The following MGMT variants were observed in gnomAD, a reference collection of about 807,000 sequenced individuals.
MGMT encodes methylated-DNA--protein-cysteine methyltransferase.
MGMT carries 14 observed loss-of-function variants against 15.9 expected under a neutral mutation model. That is an observed-to-expected ratio of 0.88 (90% CI 0.58 to 1.37). The LOEUF (loss-of-function observed/expected upper bound fraction) is 1.37. Among genes scored for constraint, MGMT ranks in the 40% most tolerant of loss-of-function variants. The pLI, the probability that MGMT is intolerant of heterozygous loss-of-function variation, is 0.00. For missense variants in MGMT, 282 were observed against 268.1 expected, an observed-to-expected ratio of 1.05 and a Z score of -0.36; for synonymous variants, 130 against 118.2, an observed-to-expected ratio of 1.10 and a Z score of -0.65.
At chr10:129,516,787 C>T (rs1845742991) in intron 1 of MGMT, among the ~76,000 whole-genome samples, 1 of 152,056 alleles carries the variant, frequency 6.6e-6, no homozygotes, top group Non-Finnish European at 1.5e-5. Flanking sequence ...ATTCTTGGCA[C>T]CTGCTCATCT....
intron 2 of MGMT, among the ~76,000 whole-genome samples, chr10:129,651,503 T>G (rs1427135988): frequency 7.2e-5 from 11 of 152,218 alleles, no homozygotes; most frequent in Non-Finnish European, 2.9e-5. Flanking sequence ...TTGCCCCTTT[T>G]TATTCCGTTT....
intron 2 of MGMT, among the ~76,000 whole-genome samples, chr10:129,679,072 C>CA (rs746058016): frequency 0.15 from 17,073 of 117,508 alleles, 1,152 homozygotes; most frequent in East Asian, 0.32. Flanking sequence ...GACTCCATCT[C>CA]AAAAAAAAAA....
At chr10:129,635,188 T>G (rs1324468857) in intron 2 of MGMT, among the ~76,000 whole-genome samples, 7 of 152,208 alleles carry the variant, frequency 4.6e-5, no homozygotes, top group Non-Finnish European at 1.5e-5. Context: ...ATAGCTCTTT[T>G]CCTGCCTGGG....
At chr10:129,731,017 C>A (rs976912249) in intron 3 of MGMT, among the ~76,000 whole-genome samples, 1 of 152,172 alleles carries the variant, frequency 6.6e-6, no homozygotes, top group Non-Finnish European at 1.5e-5. Flanking sequence ...TGGTGCCTCA[C>A]CTCCAGGAGC....
At chr10:129,758,930 G>A (rs1182085384) in intron 3 of MGMT, among the ~76,000 whole-genome samples, 1 of 152,216 alleles carries the variant, frequency 6.6e-6, no homozygotes, top group Non-Finnish European at 1.5e-5. Flanking sequence ...GCAACCCCAC[G>A]CGGAACACGG....
At chr10:129,593,233 C>T (rs1490712837) in intron 2 of MGMT, among the ~76,000 whole-genome samples, 2 of 152,218 alleles carry the variant, frequency 1.3e-5, no homozygotes, top group East Asian at 1.9e-4. Flanking sequence ...GCGCAGTGGG[C>T]GCTGTTGGGA....
intron 3 of MGMT, among the ~76,000 whole-genome samples, chr10:129,710,644 C>T (rs966831342): frequency 2.6e-5 from 4 of 152,186 alleles, no homozygotes; most frequent in South Asian, 2.1e-4. Context: ...GATGTGGATA[C>T]GCCCCTCTCT....
chr10:129,478,815 T>A (rs1845324809), intron 1 of MGMT, among the ~76,000 whole-genome samples: 1 of 152,240 alleles, frequency 6.6e-6, no homozygotes, highest in African/African-American at 2.4e-5. Flanking sequence ...GTGTTCTGCT[T>A]CCTGTAGTGC....
At chr10:129,487,980 T>TACACACACACAC (rs113664356) in intron 1 of MGMT, among the ~76,000 whole-genome samples, 16 of 136,278 alleles carry the variant, frequency 1.2e-4, no homozygotes, top group African/African-American at 3.1e-4. Context: ...TACGCAGGTA[T>TACACACACACAC]ACACACACAC....
At chr10:129,599,833 C>G (rs1846797237) in intron 2 of MGMT, among the ~76,000 whole-genome samples, 1 of 152,124 alleles carries the variant, frequency 6.6e-6, no homozygotes, top group African/African-American at 2.4e-5. Flanking sequence ...CTTTCTTCAC[C>G]AGGGAGATAG....
At chr10:129,618,526 A>C (rs1368850150) in intron 2 of MGMT, among the ~76,000 whole-genome samples, 1 of 150,584 alleles carries the variant, frequency 6.6e-6, no homozygotes, top group Non-Finnish European at 1.5e-5. Context: ...TGGATTAATT[A>C]GTATAGAAAA....
At chr10:129,590,085 G>A (rs1210008646) in intron 2 of MGMT, among the ~76,000 whole-genome samples, 1 of 152,188 alleles carries the variant, frequency 6.6e-6, no homozygotes, top group Non-Finnish European at 1.5e-5. Context: ...TGGGTTCCCT[G>A]TTAATTCCTC....
At chr10:129,764,662 C>T (rs1019902786) in intron 4 of MGMT, among the ~76,000 whole-genome samples, 1 of 152,236 alleles carries the variant, frequency 6.6e-6, no homozygotes, top group Non-Finnish European at 1.5e-5. Flanking sequence ...CTCTGTTGAG[C>T]TGGGGATACG....
intron 2 of MGMT, among the ~76,000 whole-genome samples, chr10:129,628,104 A>G (rs1847170939): frequency 6.6e-6 from 1 of 152,226 alleles, no homozygotes; most frequent in Admixed American, 6.5e-5. Context: ...TTTAACATCC[A>G]TGCAGATGAG....
At chr10:129,668,017 A>G (rs1847679223) in intron 2 of MGMT, among the ~76,000 whole-genome samples, 1 of 152,022 alleles carries the variant, frequency 6.6e-6, no homozygotes, top group Non-Finnish European at 1.5e-5. Context: ...AAGTATCTCC[A>G]CTCTTTGGCT....
intron 2 of MGMT, among the ~76,000 whole-genome samples, chr10:129,646,754 A>ATATATATATATATT: frequency 4.6e-5 from 4 of 86,678 alleles, no homozygotes; most frequent in African/African-American, 1.6e-4. Context: ...ATATATATAT[A>ATATATATATATATT]TTTTCAGGGA....
intron 1 of MGMT, among the ~76,000 whole-genome samples, chr10:129,514,884 G>A (rs565525350): frequency 6.6e-6 from 1 of 152,340 alleles, no homozygotes; most frequent in African/African-American, 2.4e-5. Context: ...AGCTCAGATG[G>A]CCTAACACAG....
chr10:129,616,512 C>T (rs1189985293), intron 2 of MGMT, among the ~76,000 whole-genome samples: 2 of 152,120 alleles, frequency 1.3e-5, no homozygotes, highest in South Asian at 2.1e-4. Context: ...ATCCTCCTCC[C>T]GCCATCCTCC....
At chr10:129,747,994 A>G (rs1848713128) in intron 3 of MGMT, among the ~76,000 whole-genome samples, 1 of 152,104 alleles carries the variant, frequency 6.6e-6, no homozygotes, top group South Asian at 2.1e-4. Context: ...AGTGTCATTT[A>G]TCATTGTTGA....
Sources: gnomAD v4.1 joint callset for allele counts (sites outside exome capture counted in the v4.1 genomes callset) on GRCh38, gnomAD v4.1.1 for gene constraint, MANE v1.5 for transcripts, NCBI Gene and HGNC (gene_info 2026-07-23, HGNC 2026-07-21) for gene names.